Variants in RCAN2 observed in about 807,000 individuals in gnomAD.
RCAN2 encodes calcipressin-2.
In RCAN2, 9 loss-of-function variants were observed where a neutral mutation model predicts 23.6. That is an observed-to-expected ratio of 0.38 (90% CI 0.23 to 0.67). The LOEUF (loss-of-function observed/expected upper bound fraction) is 0.67. RCAN2 is among the 30% of genes least tolerant of loss of function. RCAN2 has a pLI of 0.51. For synonymous variants in RCAN2, 109 were observed against 115.7 expected (o/e 0.94, Z 0.37); for missense variants, 273 against 302.3 (o/e 0.90, Z 0.72).
chr6:46,459,162 C>T (rs756992989), intron 1 of RCAN2, among the ~76,000 whole-genome samples: 2 of 152,170 alleles, frequency 1.3e-5, no homozygotes, highest in African/African-American at 4.8e-5. Flanking sequence ...CCTCCCAAAG[C>T]GTTGGGATTT....
At position 46,323,509 on chromosome 6, in the gene RCAN2, C is replaced by A. The variant is rs146001921; in HGVS notation, c.226-74613G>T. Among the ~76,000 whole-genome samples the A allele has an allele frequency of 2.7e-3, 418 of 152,288 alleles. 3 individuals are homozygous for A. The highest frequency in any genetic ancestry group is 0.016 in the South Asian group (77 of 4,822). ...AACCTCATAAATTTATGAAGAACAG[C>A]ATCAGCTGTTCACCATCTAGCCCTG... On this transcript the variant is annotated intron_variant, in intron 2 of 4. Transcript: ENST00000371374.
chr6:46,234,354 CT>C (rs1229087484), intron 4 of RCAN2, among the ~76,000 whole-genome samples: 1 of 152,126 alleles, frequency 6.6e-6, no homozygotes. Context: ...TTGAATTTTT[CT>C]TTTTTTGGCC....
intron 2 of RCAN2, among the ~76,000 whole-genome samples, chr6:46,420,767 G>A (rs750074536): frequency 9.2e-5 from 14 of 151,834 alleles, no homozygotes; most frequent in Admixed American, 4.6e-4. Flanking sequence ...GGCTGGTCTC[G>A]AACTCTTGAC....
chr6:46,400,024 T>C (rs977652924), intron 2 of RCAN2, among the ~76,000 whole-genome samples: 4 of 152,128 alleles, frequency 2.6e-5, no homozygotes, highest in African/African-American at 4.8e-5. Context: ...CATAAGACCA[T>C]GGAAAACCAG....
intron 2 of RCAN2, among the ~76,000 whole-genome samples, chr6:46,453,707 T>C (rs1171254973): frequency 6.6e-6 from 1 of 152,098 alleles, no homozygotes; most frequent in African/African-American, 2.4e-5. Flanking sequence ...TGTAGGAAAA[T>C]AGAGAAGAGA....
intron 2 of RCAN2, among the ~76,000 whole-genome samples, chr6:46,306,014 G>A (rs1462971052): frequency 6.6e-6 from 1 of 151,734 alleles, no homozygotes; most frequent in Non-Finnish European, 1.5e-5. Context: ...GGTCAAGAGA[G>A]AACCTTTATA....
chr6:46,464,202 A>G (rs879788983), intron 1 of RCAN2, among the ~76,000 whole-genome samples: 2 of 152,212 alleles, frequency 1.3e-5, no homozygotes, highest in African/African-American at 2.4e-5. Context: ...ATATTTTTCA[A>G]TTGAATATAA....
intron 2 of RCAN2, among the ~76,000 whole-genome samples, chr6:46,371,885 G>T (rs988949163): frequency 6.6e-6 from 1 of 152,194 alleles, no homozygotes; most frequent in Non-Finnish European, 1.5e-5. Flanking sequence ...TATAACCACA[G>T]TTCTTGTACA....
rs533442483 is a variant in RCAN2 at position 46,341,574 on chromosome 6, G to A, written c.226-92678C>T. The stretch of plus-strand genomic sequence containing the variant: ...ACCACTTTGGGAGCCTGAGGTGGGT[G>A]GATCATGAGTTCAGGAGTTTGAGAC... On this transcript the variant is annotated intron_variant, in intron 2 of 4. Transcript: ENST00000371374. Among the ~76,000 whole-genome samples, 54 of 152,228 alleles carry A rather than the reference G, an allele frequency of 3.5e-4. 1 individual carries two copies. The highest frequency in any genetic ancestry group is 6.5e-4 in the Admixed American group (10 of 15,290).
chr6:46,436,664 A>G (rs1767375666), intron 2 of RCAN2, among the ~76,000 whole-genome samples: 1 of 152,248 alleles, frequency 6.6e-6, no homozygotes. Context: ...TATGAGGTCA[A>G]TACTGTTACT....
chr6:46,257,261 C>G (rs1220402730), intron 2 of RCAN2, among the ~76,000 whole-genome samples: 1 of 152,044 alleles, frequency 6.6e-6, no homozygotes, highest in Non-Finnish European at 1.5e-5. Context: ...CTCAATTTAA[C>G]TCTAAATCAG....
In RCAN2 at chr6:46,422,127, C is replaced by T. The variant is rs139769925; in HGVS notation, c.225+34625G>A. On this transcript the variant is annotated intron_variant, in intron 2 of 4. Coordinates refer to ENST00000371374, the MANE Select transcript of RCAN2 (RefSeq NM_001251974.2). ...GGTGTTGGGGTCATGAGGGAGGATC[C>T]CTCACTAATAGATTAATATCCTCCC... Among the ~76,000 whole-genome samples the T allele has an allele frequency of 2.4e-3, 363 of 152,112 alleles. 1 individual carries two copies. Among genetic ancestry groups the T allele is most frequent in the African/African-American group, 8.2e-3 (341 of 41,492 alleles).
At chr6:46,387,009 C>G (rs1765775180) in intron 2 of RCAN2, among the ~76,000 whole-genome samples, 1 of 152,274 alleles carries the variant, frequency 6.6e-6, no homozygotes. Context: ...GGAAAGGATT[C>G]CCTATTTAAT....
chr6:46,322,075 C>T (rs1423642698), intron 2 of RCAN2, among the ~76,000 whole-genome samples: 1 of 152,126 alleles, frequency 6.6e-6, no homozygotes, highest in South Asian at 2.1e-4. Context: ...CAGGGGACAC[C>T]GATGTGCAAT....
chr6:46,322,628 C>T (rs964057629), intron 2 of RCAN2, among the ~76,000 whole-genome samples: 2 of 152,226 alleles, frequency 1.3e-5, no homozygotes, highest in African/African-American at 4.8e-5. Flanking sequence ...TGGCTGCTTG[C>T]CCATGGGGGC....
In RCAN2 at chr6:46,233,191, C is replaced by T. The variant is rs549863518; in HGVS notation, c.572-9890G>A. 1.3e-4 allele frequency among the ~76,000 whole-genome samples: 20 copies of T among 152,328 alleles called. No individual in the cohort carries two copies. In the South Asian group the frequency reaches 3.7e-3, roughly 28 times the overall value. On this transcript the variant is annotated intron_variant, in intron 4 of 4. Transcript: ENST00000371374. ...TGTTGTTCAGGAGAGAACATCAAGT[C>T]ACTCAAAGTTCCACGGTGAACAATG...
In RCAN2 at chr6:46,456,982, G is replaced by T. The variant is rs1296301632; in HGVS notation, c.-2-4C>A. 1.9e-6 allele frequency: 3 copies of T among 1,543,470 alleles called. No homozygotes were observed. The highest frequency in any genetic ancestry group is 1.4e-5 in the African/African-American group (1 of 72,842). On this transcript the variant is annotated splice_polypyrimidine_tract_variant and splice_region_variant and intron_variant, in intron 1 of 4. Transcript: ENST00000371374. ...AAGTATGATTCTCCCCTCATTCCTGGGGATACAAAGATGAGCATGTGTTAC... is the reference window on the plus strand; with the variant it reads ...AAGTATGATTCTCCCCTCATTCCTGTGGATACAAAGATGAGCATGTGTTAC...
chr6:46,280,363 G>A (rs1712468481), intron 2 of RCAN2, among the ~76,000 whole-genome samples: 1 of 152,094 alleles, frequency 6.6e-6, no homozygotes, highest in African/African-American at 2.4e-5. Flanking sequence ...TTGTAGCCAG[G>A]AATTGGCACA....
intron 2 of RCAN2, among the ~76,000 whole-genome samples, chr6:46,390,879 T>C (rs914233755): frequency 7.2e-5 from 11 of 152,004 alleles, no homozygotes; most frequent in African/African-American, 2.7e-4. Flanking sequence ...TTGTATGAGG[T>C]TGGGTGAGAA....
Sources: allele counts gnomAD v4.1 joint callset (sites outside exome capture counted in the v4.1 genomes callset), GRCh38; gene constraint gnomAD v4.1.1; transcripts MANE v1.5; gene names NCBI Gene and HGNC (gene_info 2026-07-23, HGNC 2026-07-21).